Variants in CNTNAP4 observed in about 807,000 individuals in gnomAD.
CNTNAP4 encodes contactin-associated protein-like 4.
A neutral mutation model predicts 148.4 loss-of-function variants in CNTNAP4; 98 were observed. The ratio of observed to expected loss-of-function variants is 0.66; its 90% CI spans 0.56 to 0.78. CNTNAP4 has a LOEUF of 0.78. Ranked by LOEUF, CNTNAP4 falls within the 30% of genes least tolerant of loss-of-function variation. The pLI is 0.00. For synonymous variants in CNTNAP4, 730 were observed against 565.1 expected (o/e 1.29, Z -4.14); for missense variants, 1,935 against 1,565.6 (o/e 1.24, Z -3.98).
At chr16:76,286,174 A>AGTGTGTGTGTGTGT (rs57003243) in intron 1 of CNTNAP4, among the ~76,000 whole-genome samples, 12 of 134,990 alleles carry the variant, frequency 8.9e-5, no homozygotes, top group South Asian at 2.7e-4. Context: ...TAGAATTATC[A>AGTGTGTGTGTGTGT]GTGTGTGTGT....
At chr16:76,436,161 G>T (rs2079817967) in intron 4 of CNTNAP4, among the ~76,000 whole-genome samples, 1 of 152,078 alleles carries the variant, frequency 6.6e-6, no homozygotes, top group South Asian at 2.1e-4. Flanking sequence ...GGCCATCACT[G>T]TTGTCTCAGG....
intron 21 of CNTNAP4, among the ~76,000 whole-genome samples, chr16:76,547,411 C>T (rs9931223): frequency 0.083 from 12,584 of 152,102 alleles, 802 homozygotes; most frequent in African/African-American, 0.18. Flanking sequence ...AATCACTACT[C>T]AAAAGTTGAA....
At chr16:76,327,388 G>GT (rs922312992) in intron 2 of CNTNAP4, among the ~76,000 whole-genome samples, 5 of 152,176 alleles carry the variant, frequency 3.3e-5, no homozygotes, top group East Asian at 3.9e-4. Flanking sequence ...TGGTTTTGTT[G>GT]TTTTTTTATG....
In CNTNAP4 at chr16:76,277,676, C is replaced by T. The variant is rs145609341; in HGVS notation, c.14C>T (p.Thr5Met). Residue 5 changes from threonine to methionine, a missense_variant, in exon 1 of 24, where the codon ACG becomes ATG. Thr to Met is a moderately conservative substitution (Grantham distance 81). Transcript: ENST00000611870. MGSV[T>M]GAVLKTLLLL... ...ATAAATGTGAACATGGGATCTGTCA[C>T]GGGAGCTGTCCTCAAGACGCTACTT... 1,706 of 1,603,918 alleles carry T rather than the reference C, an allele frequency of 1.1e-3. 10 individuals carry two copies. Among genetic ancestry groups the T allele is most frequent in the Non-Finnish European group, 7.0e-4 (826 of 1,174,682 alleles).
In CNTNAP4 at chr16:76,558,920, G is replaced by A. The variant is rs540115758; in HGVS notation, c.*237G>A. 1.8e-5 allele frequency: 6 copies of A among 341,784 alleles called. No individual in the cohort carries two copies. The highest frequency in any genetic ancestry group is 2.6e-5 in the Non-Finnish European group (5 of 189,832). 21.2% of individuals were successfully genotyped at this position (341,784 alleles called of 1,614,324 possible). The stretch of plus-strand genomic sequence containing the variant: ...TTGCTGTTAATTTTCAACTGTTCTG[G>A]TATGATCTAAAACAAGTTTAACCTG... On this transcript the variant is annotated 3_prime_UTR_variant, in exon 24 of 24. Transcript: ENST00000611870.
intron 21 of CNTNAP4, among the ~76,000 whole-genome samples, chr16:76,550,094 A>G (rs879318551): frequency 6.6e-6 from 1 of 152,192 alleles, no homozygotes; most frequent in Non-Finnish European, 1.5e-5. Flanking sequence ...AATAATATCC[A>G]TAGTGTACTA....
At chr16:76,373,444 G>T (rs1300927368) in intron 3 of CNTNAP4, among the ~76,000 whole-genome samples, 1 of 152,036 alleles carries the variant, frequency 6.6e-6, no homozygotes, top group Non-Finnish European at 1.5e-5. Context: ...AATTGGCCTT[G>T]TCTAAGATTT....
At chr16:76,311,808 A>G (rs1337287775) in intron 1 of CNTNAP4, among the ~76,000 whole-genome samples, 1 of 152,192 alleles carries the variant, frequency 6.6e-6, no homozygotes, top group African/African-American at 2.4e-5. Context: ...GCAGACGTCC[A>G]TGGTCTCCTG....
Position 76,467,502 on chromosome 16 carries a change from A to T in CNTNAP4, c.1634A>T (p.Asp545Val). The change falls in exon 10 of 24, where the codon GAC becomes GTC. Residue 545 changes from aspartate to valine, a missense_variant. Transcript: ENST00000611870. The part of the protein sequence containing the change: ...SLGNFSDLQI[D>V]SCGISDRCLP... ...GGGAACTTCAGTGACCTTCAGATAGACTCATGTGGCATCTCAGACAGGTAA... is the reference window on the plus strand; with the variant it reads ...GGGAACTTCAGTGACCTTCAGATAGTCTCATGTGGCATCTCAGACAGGTAA... 1.2e-6 allele frequency: 2 copies of T among 1,611,376 alleles called. No homozygotes were observed.
intron 2 of CNTNAP4, among the ~76,000 whole-genome samples, chr16:76,354,330 A>G (rs917735149): frequency 2.0e-5 from 3 of 152,224 alleles, no homozygotes; most frequent in African/African-American, 4.8e-5. Context: ...TCACATCTAC[A>G]GTATTTTGGT....
intron 21 of CNTNAP4, among the ~76,000 whole-genome samples, chr16:76,542,459 AAAAC>A (rs1455089633): frequency 2.6e-5 from 4 of 152,170 alleles, no homozygotes; most frequent in Non-Finnish European, 5.9e-5. Flanking sequence ...AGCAGCAACA[AAAAC>A]AAAGCCTCAA....
chr16:76,290,976 G>A (rs377316987), intron 1 of CNTNAP4, among the ~76,000 whole-genome samples: 2 of 152,062 alleles, frequency 1.3e-5, no homozygotes, highest in East Asian at 1.9e-4. Flanking sequence ...GAGAGAGAGC[G>A]ATATCTCTGG....
intron 3 of CNTNAP4, among the ~76,000 whole-genome samples, chr16:76,377,906 T>C (rs1157127053): frequency 6.6e-6 from 1 of 152,164 alleles, no homozygotes; most frequent in Admixed American, 6.5e-5. Context: ...GAATTCACCA[T>C]GCTAGTGGCA....
chr16:76,313,327 C>T (rs909638798), intron 1 of CNTNAP4, among the ~76,000 whole-genome samples: 1 of 152,138 alleles, frequency 6.6e-6, no homozygotes, highest in Non-Finnish European at 1.5e-5. Context: ...CACACTTACA[C>T]CTGCATGCTG....
intron 17 of CNTNAP4, among the ~76,000 whole-genome samples, chr16:76,532,533 G>T (rs1457481786): frequency 1.3e-5 from 2 of 152,196 alleles, no homozygotes; most frequent in African/African-American, 4.8e-5. Context: ...TAGGGAGACT[G>T]TGCATGTTTC....
intron 2 of CNTNAP4, among the ~76,000 whole-genome samples, chr16:76,325,097 T>C (rs1356274529): frequency 6.6e-6 from 1 of 152,188 alleles, no homozygotes; most frequent in Non-Finnish European, 1.5e-5. Flanking sequence ...TGACATTTTC[T>C]GCACCAAATA....
At chr16:76,350,626 C>G (rs1171063352) in intron 2 of CNTNAP4, among the ~76,000 whole-genome samples, 1 of 152,160 alleles carries the variant, frequency 6.6e-6, no homozygotes, top group African/African-American at 2.4e-5. Flanking sequence ...TTGCTGTGAT[C>G]ATAACTCTCT....
intron 15 of CNTNAP4, among the ~76,000 whole-genome samples, chr16:76,502,446 G>A (rs370034566): frequency 1.3e-5 from 2 of 151,278 alleles, no homozygotes; most frequent in African/African-American, 4.9e-5. Flanking sequence ...GATCATGCAC[G>A]GTAGGCCTTA....
Position 76,512,752 on chromosome 16 carries a change from G to A in CNTNAP4, c.2366-8388G>A, listed in dbSNP as rs117626790. On this transcript the variant is annotated intron_variant, in intron 15 of 23. Transcript: ENST00000611870. ...GGCAATTAAGTATGGATAAATTGAC[G>A]AGGTGAAGAGGAAGCAAGAAAGAAG... is the stretch of plus-strand genomic sequence containing the variant. 1.0e-3 allele frequency among the ~76,000 whole-genome samples: 154 copies of A among 152,216 alleles called. 3 individuals are homozygous for A. The East Asian group carries it at 0.026, about 26-fold the overall frequency.
Sources: gnomAD v4.1 joint callset for allele counts (sites outside exome capture counted in the v4.1 genomes callset) on GRCh38, gnomAD v4.1.1 for gene constraint, MANE v1.5 for transcripts, NCBI Gene and HGNC (gene_info 2026-07-23, HGNC 2026-07-21) for gene names.